Variants in GPR39 observed in about 807,000 individuals in gnomAD.
The protein encoded by GPR39 is G protein-coupled receptor 39, also known as zinc sensing receptor.
GPR39 carries 23 observed loss-of-function variants against 18.4 expected under a neutral mutation model. The observed-to-expected ratio is 1.25, with a 90% CI of 0.90 to 1.77. GPR39 has a LOEUF of 1.77. Among genes scored for constraint, GPR39 ranks in the 40% most tolerant of loss-of-function variants. GPR39 has a pLI of 0.00. For synonymous variants in GPR39, 280 were observed against 257.9 expected, an observed-to-expected ratio of 1.09 and a Z score of -0.82; for missense variants, 647 against 602.4, an observed-to-expected ratio of 1.07 and a Z score of -0.78.
At chr2:132,581,281 T>C (rs1198309020) in intron 1 of GPR39, among the ~76,000 whole-genome samples, 1 of 151,864 alleles carries the variant, frequency 6.6e-6, no homozygotes, top group Non-Finnish European at 1.5e-5. Flanking sequence ...AGGTATTTGT[T>C]TCCATTTGAC....
At chr2:132,630,099 C>A (rs944949187) in intron 1 of GPR39, among the ~76,000 whole-genome samples, 2 of 152,178 alleles carry the variant, frequency 1.3e-5, no homozygotes, top group African/African-American at 4.8e-5. Context: ...CCAAGCACTG[C>A]AGACGCAGAC....
intron 1 of GPR39, among the ~76,000 whole-genome samples, chr2:132,506,228 T>C (rs1679134098): frequency 6.6e-6 from 1 of 152,202 alleles, no homozygotes; most frequent in African/African-American, 2.4e-5. Context: ...GCATGTCCTT[T>C]GCCCCCTTTT....
chr2:132,532,047 C>T (rs1226068860), intron 1 of GPR39, among the ~76,000 whole-genome samples: 8 of 152,200 alleles, frequency 5.3e-5, no homozygotes, highest in African/African-American at 1.9e-4. Flanking sequence ...TTCAAAAAAT[C>T]AATGAATCCA....
chr2:132,561,659 A>T (rs1680256060), intron 1 of GPR39, among the ~76,000 whole-genome samples: 1 of 152,040 alleles, frequency 6.6e-6, no homozygotes, highest in Non-Finnish European at 1.5e-5. Context: ...TAAATGCCAA[A>T]ATCTGCAGTT....
chr2:132,628,238 C>T (rs1573706951), intron 1 of GPR39, among the ~76,000 whole-genome samples: 1 of 152,192 alleles, frequency 6.6e-6, no homozygotes, highest in Non-Finnish European at 1.5e-5. Context: ...CCCACTGGTG[C>T]CCTGAGGCTC....
intron 1 of GPR39, among the ~76,000 whole-genome samples, chr2:132,438,476 C>A (rs955062068): frequency 6.6e-6 from 1 of 151,668 alleles, no homozygotes; most frequent in African/African-American, 2.4e-5. Context: ...AGGTCACTGG[C>A]AGACAACCAC....
chr2:132,469,138 T>C (rs1273942172), intron 1 of GPR39, among the ~76,000 whole-genome samples: 1 of 152,176 alleles, frequency 6.6e-6, no homozygotes, highest in Non-Finnish European at 1.5e-5. Flanking sequence ...GTTGTGTCTT[T>C]CCCTTGGGTG....
rs1259445909 is a variant in GPR39, at chr2:132,483,842, A to G, written c.856+65944A>G. ...GCAGGTCCTACTAAAAAAAAATGACAATATTCCTGGGTACTTTAGATAGAG... is the reference window on the plus strand; with the variant it reads ...GCAGGTCCTACTAAAAAAAAATGACGATATTCCTGGGTACTTTAGATAGAG... On this transcript the variant is annotated intron_variant, in intron 1 of 1. Transcript: ENST00000329321. Among the ~76,000 whole-genome samples, 3 of 152,304 alleles carry G rather than the reference A, an allele frequency of 2.0e-5. No individual in the cohort carries two copies. In the East Asian group the frequency reaches 5.8e-4, roughly 29 times the overall value.
intron 1 of GPR39, among the ~76,000 whole-genome samples, chr2:132,623,971 C>T (rs1020172012): frequency 1.3e-5 from 2 of 152,108 alleles, no homozygotes; most frequent in Non-Finnish European, 2.9e-5. Context: ...CTTCTGCCTC[C>T]CTGGAAATGG....
chr2:132,417,334 C>T lies in GPR39; in HGVS notation c.292C>T (p.Pro98Ser). ...PMEFYSIIWN[P>S]LTTSSYTLSC... ...GGAGTTCTACAGCATCATCTGGAAT[C>T]CCCTGACCACGTCCAGCTACACCCT... is the stretch of plus-strand genomic sequence containing the variant. Residue 98 changes from proline (P) to serine (S), a missense_variant, in exon 1 of 2, where the codon CCC becomes TCC. Physicochemically the swap from Pro to Ser is moderately conservative, Grantham distance 74 (BLOSUM62 -1). Transcript: ENST00000329321. The T allele has an allele frequency of 6.2e-7, 1 of 1,614,142 alleles. No individual in the cohort carries two copies. The highest frequency in any genetic ancestry group is 8.5e-7 in the Non-Finnish European group (1 of 1,180,018).
chr2:132,478,239 G>A (rs13383979), intron 1 of GPR39, among the ~76,000 whole-genome samples: 3,137 of 152,336 alleles, frequency 0.021, 103 homozygotes, highest in African/African-American at 0.072. Context: ...TATGTCTTAT[G>A]TGACTTGGCA....
At chr2:132,499,363 G>A (rs572444005) in intron 1 of GPR39, among the ~76,000 whole-genome samples, 20 of 152,222 alleles carry the variant, frequency 1.3e-4, no homozygotes, top group South Asian at 2.1e-4. Flanking sequence ...AAAATCAGTC[G>A]GCTGTAAGCA....
chr2:132,598,142 A>T (rs1160210254), intron 1 of GPR39, among the ~76,000 whole-genome samples: 2 of 152,212 alleles, frequency 1.3e-5, no homozygotes, highest in Non-Finnish European at 2.9e-5. Flanking sequence ...AGGCAGGAGG[A>T]TAAGTTGGTG....
At chr2:132,630,025 G>T (rs150989621) in intron 1 of GPR39, among the ~76,000 whole-genome samples, 63 of 152,234 alleles carry the variant, frequency 4.1e-4, no homozygotes, top group Middle Eastern at 6.8e-3. Flanking sequence ...CTGCATGGTT[G>T]GGAGAATCAA....
chr2:132,544,274 G>C (rs1679905531), intron 1 of GPR39, among the ~76,000 whole-genome samples: 1 of 152,208 alleles, frequency 6.6e-6, no homozygotes, highest in African/African-American at 2.4e-5. Flanking sequence ...CTACCTAGGT[G>C]CTTGGAATTT....
In GPR39 at chr2:132,462,617, A is replaced by AT. The variant is rs560726990; in HGVS notation, c.856+44727dup. ...ATTTTCTACAGCTCTTTCCTCCTAC[A>AT]TTTTTTTTAAACACTCTGGCCTTTG... On this transcript the variant is annotated intron_variant, in intron 1 of 1. Coordinates refer to ENST00000329321, the MANE Select transcript of GPR39 (RefSeq NM_001508.3). 1.1e-4 allele frequency among the ~76,000 whole-genome samples: 17 copies of AT among 152,082 alleles called. No individual in the cohort carries two copies. The East Asian group carries it at 2.1e-3, about 19-fold the overall frequency.
chr2:132,620,354 G>T (rs547964608), intron 1 of GPR39, among the ~76,000 whole-genome samples: 1 of 152,120 alleles, frequency 6.6e-6, no homozygotes, highest in Non-Finnish European at 1.5e-5. Context: ...CCAGGATCTC[G>T]CAATATCTTC....
chr2:132,524,526 GTC>G (rs570321170), intron 1 of GPR39, among the ~76,000 whole-genome samples: 342 of 152,282 alleles, frequency 2.2e-3, no homozygotes, highest in African/African-American at 7.9e-3. Flanking sequence ...TTTTCTCTGT[GTC>G]TCTCATTTTC....
intron 1 of GPR39, among the ~76,000 whole-genome samples, chr2:132,534,832 A>G (rs1417937327): frequency 6.6e-6 from 1 of 151,412 alleles, no homozygotes; most frequent in African/African-American, 2.4e-5. Flanking sequence ...CACACTGGGG[A>G]CTGTTGTGGG....
Sources: allele counts gnomAD v4.1 joint callset (sites outside exome capture counted in the v4.1 genomes callset), GRCh38; gene constraint gnomAD v4.1.1; transcripts MANE v1.5; gene names NCBI Gene and HGNC (gene_info 2026-07-23, HGNC 2026-07-21).